The following CUX1 variants were observed in gnomAD, a reference collection of about 807,000 sequenced individuals.
CUX1 encodes the protein protein CASP.
A neutral mutation model predicts 158.8 loss-of-function variants in CUX1; 31 were observed. That is an observed-to-expected ratio of 0.20 (90% CI 0.15 to 0.26). The LOEUF (loss-of-function observed/expected upper bound fraction) is 0.26. Ranked by LOEUF, CUX1 falls within the 10% of genes least tolerant of loss-of-function variation. The pLI is 1.00. For missense variants in CUX1, 1,589 were observed against 2,014.6 expected (o/e 0.79, Z 4.04); for synonymous variants, 879 against 862.1 (o/e 1.02, Z -0.34).
intron 8 of CUX1, among the ~76,000 whole-genome samples, chr7:102,135,661 T>G (rs1245259755): frequency 1.3e-5 from 2 of 151,948 alleles, no homozygotes; most frequent in Non-Finnish European, 2.9e-5. Flanking sequence ...TCATTTCTAA[T>G]GTGGTTTCAG....
chr7:102,009,138 C>T (rs1247770843), intron 2 of CUX1, among the ~76,000 whole-genome samples: 1 of 152,222 alleles, frequency 6.6e-6, no homozygotes, highest in Admixed American at 6.5e-5. Flanking sequence ...GCCAGCCGCA[C>T]CCAGAGTTTG....
intron 1 of CUX1, among the ~76,000 whole-genome samples, chr7:101,844,431 A>G (rs113950177): frequency 1.2e-4 from 19 of 152,220 alleles, no homozygotes; most frequent in African/African-American, 4.6e-4. Context: ...CTGGATGTAA[A>G]ATTGTAGGTC....
chr7:102,073,234 C>T (rs946321304), intron 4 of CUX1, among the ~76,000 whole-genome samples: 1 of 121,632 alleles, frequency 8.2e-6, no homozygotes, highest in Non-Finnish European at 1.6e-5. Context: ...AGTGCAGTGA[C>T]GTGATCTTGG....
rs1465807809 is a variant in CUX1, at chr7:102,249,583, A to G, written c.*541A>G. ...CCGTGTGGGCTTTAAAAGAAAAAAA[A>G]TCAAACCCACATATTAAAAGGGGGC... On this transcript the variant is annotated 3_prime_UTR_variant, in exon 24 of 24. Coordinates refer to ENST00000292535, the MANE Select transcript of CUX1 (RefSeq NM_181552.4). The G allele has an allele frequency of 4.1e-6, 4 of 985,702 alleles. No individual in the cohort carries two copies. The highest frequency in any genetic ancestry group is 5.2e-4 in the Middle Eastern group (1 of 1,936). The allele number at this position is 985,702 out of a possible 1,614,324, so 61.1% of individuals were successfully genotyped here.
At chr7:101,956,981 A>G (rs1323471580) in intron 2 of CUX1, among the ~76,000 whole-genome samples, 3 of 152,208 alleles carry the variant, frequency 2.0e-5, no homozygotes, top group Admixed American at 6.5e-5. Flanking sequence ...CCAAAGCTTT[A>G]TGAACAATAA....
At chr7:102,020,835 G>C (rs529888306) in intron 2 of CUX1, among the ~76,000 whole-genome samples, 12 of 151,482 alleles carry the variant, frequency 7.9e-5, no homozygotes, top group African/African-American at 2.9e-4. Flanking sequence ...AGCTGAGATC[G>C]CGCCACTGCA....
chr7:102,211,499 G>A (rs1043146537), intron 20 of CUX1, among the ~76,000 whole-genome samples: 1 of 151,756 alleles, frequency 6.6e-6, no homozygotes, highest in African/African-American at 2.4e-5. Context: ...TCAGCTTTTC[G>A]GCTGGGCGCA....
At chr7:102,136,916 C>T (rs1326318187) in intron 8 of CUX1, among the ~76,000 whole-genome samples, 1 of 152,062 alleles carries the variant, frequency 6.6e-6, no homozygotes, top group Non-Finnish European at 1.5e-5. Context: ...ATGTTTATTA[C>T]TGGTGTAGGG....
intron 6 of CUX1, among the ~76,000 whole-genome samples, chr7:102,107,082 G>C (rs972413391): frequency 6.6e-6 from 1 of 151,944 alleles, no homozygotes; most frequent in Non-Finnish European, 1.5e-5. Context: ...ATGAATGTAT[G>C]AATGCGCCAT....
At chr7:101,923,686 T>C (rs1358080377) in intron 2 of CUX1, among the ~76,000 whole-genome samples, 1 of 152,216 alleles carries the variant, frequency 6.6e-6, no homozygotes, top group African/African-American at 2.4e-5. Flanking sequence ...GTGCTCACAG[T>C]CTGTGTCTGT....
chr7:102,198,948 C>T lies in CUX1; in HGVS notation c.1960+81C>T, dbSNP rs536925271. ...CCTTAGCTGTGTATTTGGGTTAAAA[C>T]TGTGCAGTGTGATTCTGGCCTGGAA... On this transcript the variant is annotated intron_variant, in intron 16 of 23. Transcript: ENST00000292535. 48 of 1,299,074 alleles carry T rather than the reference C, an allele frequency of 3.7e-5. No individual in the cohort carries two copies. In the African/African-American group the frequency reaches 5.8e-4, roughly 16 times the overall value. 80.5% of individuals were successfully genotyped at this position (1,299,074 alleles called of 1,614,324 possible).
At chr7:102,020,578 A>C (rs1819216481) in intron 2 of CUX1, among the ~76,000 whole-genome samples, 1 of 152,146 alleles carries the variant, frequency 6.6e-6, no homozygotes. Context: ...TGCTACCAGG[A>C]CCTTATAAAA....
chr7:102,244,593 G>C (rs890517261), intron 23 of CUX1, among the ~76,000 whole-genome samples: 1 of 152,154 alleles, frequency 6.6e-6, no homozygotes, highest in Non-Finnish European at 1.5e-5. Context: ...TACTCAGGAG[G>C]CTGAGGTGGG....
intron 2 of CUX1, among the ~76,000 whole-genome samples, chr7:101,997,934 C>T (rs1816176128): frequency 6.6e-6 from 1 of 151,118 alleles, no homozygotes; most frequent in African/African-American, 2.5e-5. Context: ...TCCTTGCTGG[C>T]CTGACTCATA....
intron 1 of CUX1, among the ~76,000 whole-genome samples, chr7:101,907,563 G>A (rs1240379585): frequency 1.3e-5 from 2 of 152,048 alleles, no homozygotes; most frequent in Non-Finnish European, 2.9e-5. Flanking sequence ...TGGCCTGGCT[G>A]GTTTCGAACT....
chr7:102,154,148 G>A (rs1835992587), intron 8 of CUX1: 1 of 151,558 alleles, frequency 6.6e-6, no homozygotes, highest in Middle Eastern at 3.2e-3. Context: ...TAAACAAAAT[G>A]TTTTTAAGTA....
intron 2 of CUX1, among the ~76,000 whole-genome samples, chr7:101,923,683 C>T (rs975888899): frequency 1.3e-5 from 2 of 152,234 alleles, no homozygotes; most frequent in Admixed American, 1.3e-4. Context: ...GCGGTGCTCA[C>T]AGTCTGTGTC....
intron 4 of CUX1, 109 bp from the exon 5 acceptor site, chr7:102,097,255 G>A: frequency 4.5e-6 from 6 of 1,335,080 alleles, no homozygotes. Context: ...GGCCTCTGGG[G>A]AGCCCCCGGA....
intron 4 of CUX1, among the ~76,000 whole-genome samples, chr7:102,084,020 G>A (rs1827710942): frequency 6.9e-6 from 1 of 145,388 alleles, no homozygotes; most frequent in African/African-American, 2.4e-5. Flanking sequence ...CAAATAGCTG[G>A]GACTACAGGT....
Sources: gnomAD v4.1 joint callset for allele counts (sites outside exome capture counted in the v4.1 genomes callset) on GRCh38, gnomAD v4.1.1 for gene constraint, MANE v1.5 for transcripts, NCBI Gene and HGNC (gene_info 2026-07-23, HGNC 2026-07-21) for gene names.